The following SUCLA2 variants were observed in gnomAD, a reference collection of about 807,000 sequenced individuals.
SUCLA2 encodes the protein succinate-CoA ligase ADP-forming subunit beta.
SUCLA2 carries 30 observed loss-of-function variants against 54.8 expected under a neutral mutation model. The ratio of observed to expected loss-of-function variants is 0.55; its 90% CI spans 0.41 to 0.74. The LOEUF (loss-of-function observed/expected upper bound fraction) is 0.74, where lower values mean the gene tolerates loss of function less well. Among genes scored for constraint, SUCLA2 ranks in the 30% least tolerant of loss-of-function variants. The pLI is 0.00. For missense variants in SUCLA2, 476 were observed against 562.9 expected (o/e 0.85, Z 1.56); for synonymous variants, 172 against 188.9 (o/e 0.91, Z 0.74).
rs145994704 is a variant in SUCLA2, at chr13:47,972,287, G to A, written c.663+977C>T. ...ATAAATAAAATAACAATGAAGAACCGTATTTGGATGCTGACTCAAACAAAT... is the reference window on the plus strand; with the variant it reads ...ATAAATAAAATAACAATGAAGAACCATATTTGGATGCTGACTCAAACAAAT... On this transcript the variant is annotated intron_variant, in intron 5 of 10. Transcript: ENST00000646932. 3.8e-3 allele frequency among the ~76,000 whole-genome samples: 571 copies of A among 152,046 alleles called. 1 individual carries two copies. The highest frequency in any genetic ancestry group is 6.4e-3 in the Non-Finnish European group (438 of 67,956).
intron 1 of SUCLA2, among the ~76,000 whole-genome samples, chr13:48,000,512 A>G (rs907761785): frequency 1.3e-5 from 2 of 152,248 alleles, no homozygotes; most frequent in South Asian, 2.1e-4. Flanking sequence ...CGCTTAGCAC[A>G]TTACCTGGCA....
chr13:47,955,438 G>C (rs1029883372), intron 6 of SUCLA2, among the ~76,000 whole-genome samples: 1 of 152,108 alleles, frequency 6.6e-6, no homozygotes, highest in East Asian at 1.9e-4. Flanking sequence ...CTGACCTCAA[G>C]TAATCCACCC....
intron 6 of SUCLA2, among the ~76,000 whole-genome samples, chr13:47,964,257 A>C (rs940932386): frequency 1.3e-5 from 2 of 152,232 alleles, no homozygotes; most frequent in East Asian, 3.9e-4. Flanking sequence ...AAAATAAAAA[A>C]AAAACTATAG....
intron 10 of SUCLA2, among the ~76,000 whole-genome samples, chr13:47,948,296 CTTT>C (rs1317064747): frequency 6.6e-6 from 1 of 152,114 alleles, no homozygotes; most frequent in South Asian, 2.1e-4. Context: ...ACCAAACTCT[CTTT>C]TGTTTTTTCA....
At chr13:47,943,766 G>GTGTATATATATATATATA (rs1300486540) in intron 10 of SUCLA2, among the ~76,000 whole-genome samples, 1,858 of 139,508 alleles carry the variant, frequency 0.013, 59 homozygotes, top group Admixed American at 0.068. Context: ...GTGTGTGTGT[G>GTGTATATATATATATATA]TATATATATA....
chr13:47,969,672 T>A (rs7335662), intron 5 of SUCLA2, among the ~76,000 whole-genome samples: 15,850 of 152,308 alleles, frequency 0.1, 914 homozygotes, highest in South Asian at 0.18. Flanking sequence ...TAGAGAATTC[T>A]TTCCTCTTTT....
At chr13:47,948,816 T>C in intron 10 of SUCLA2, 124 bp downstream of exon 10, 1 of 940,208 alleles carries the variant, frequency 1.1e-6, no homozygotes, top group Non-Finnish European at 1.7e-6. Context: ...ATAATCGTTT[T>C]CTTTAACCAT....
chr13:47,967,121 CTT>C (rs923746672), intron 6 of SUCLA2, among the ~76,000 whole-genome samples: 1 of 152,082 alleles, frequency 6.6e-6, no homozygotes, highest in African/African-American at 2.4e-5. Flanking sequence ...TCTGCTGAAA[CTT>C]TTTAATTTGT....
At chr13:47,986,650 G>C (rs1162800815) in intron 4 of SUCLA2, among the ~76,000 whole-genome samples, 1 of 152,102 alleles carries the variant, frequency 6.6e-6, no homozygotes, top group African/African-American at 2.4e-5. Context: ...GTATTACCTA[G>C]ATTTCCTTCT....
chr13:47,948,340 C>A (rs888331939), intron 10 of SUCLA2, among the ~76,000 whole-genome samples: 3 of 151,948 alleles, frequency 2.0e-5, no homozygotes, highest in African/African-American at 7.3e-5. Context: ...TAGATAGATA[C>A]ACACACATAC....
chr13:47,994,427 G>C (rs1235698461), intron 2 of SUCLA2, among the ~76,000 whole-genome samples: 1 of 152,114 alleles, frequency 6.6e-6, no homozygotes, highest in African/African-American at 2.4e-5. Context: ...AATTAGCTGG[G>C]CATGGTGGCG....
intron 6 of SUCLA2, among the ~76,000 whole-genome samples, chr13:47,957,187 T>C (rs142121645): frequency 1.7e-4 from 26 of 152,298 alleles, no homozygotes; most frequent in African/African-American, 5.1e-4. Context: ...TGTTACATTT[T>C]TTTCCTTGCT....
At chr13:47,986,804 C>T (rs1212114647) in intron 4 of SUCLA2, among the ~76,000 whole-genome samples, 4 of 152,192 alleles carry the variant, frequency 2.6e-5, no homozygotes, top group Non-Finnish European at 5.9e-5. Context: ...AATAGGAAAT[C>T]CTTTCCCCAT....
At chr13:47,969,939 C>T (rs7334801) in intron 5 of SUCLA2, among the ~76,000 whole-genome samples, 142,211 of 151,994 alleles carry the variant, frequency 0.94, 66,557 homozygotes, top group East Asian at 1. Context: ...CTGTCTCTAT[C>T]AAAAATACAA....
At chr13:47,959,941 G>A (rs1160420181) in intron 6 of SUCLA2, among the ~76,000 whole-genome samples, 1 of 152,100 alleles carries the variant, frequency 6.6e-6, no homozygotes, top group African/African-American at 2.4e-5. Context: ...GTTTTGCATG[G>A]ATACTGCTGG....
intron 3 of SUCLA2, 64 bp from the exon 4 acceptor site, chr13:47,988,767 A>G (rs1950126194): frequency 1.9e-5 from 31 of 1,603,562 alleles, no homozygotes; most frequent in Non-Finnish European, 2.6e-5. Flanking sequence ...AATCCACATA[A>G]TAGCCAAAAT....
chr13:47,988,401 T>C (rs1363360446), intron 4 of SUCLA2, 140 bp downstream of exon 4: 1 of 943,488 alleles, frequency 1.1e-6, no homozygotes, highest in Non-Finnish European at 1.6e-6. Context: ...TTAAATGACA[T>C]AAATATCATG....
Position 47,949,744 on chromosome 13 carries a change from GCT to G in SUCLA2, c.1108-143_1108-142del. ...GACCAAACCACAATACCCTCTTCTA[GCT>G]CTCTTTATTGAAGTCTATGTAGTCC... On this transcript the variant is annotated intron_variant, in intron 8 of 10. Transcript: ENST00000646932. 3 of 832,486 alleles carry G rather than the reference GCT, an allele frequency of 3.6e-6. No individual in the cohort carries two copies. In the South Asian group the frequency reaches 4.7e-5, roughly 13 times the overall value. The allele number at this position is 832,486 out of a possible 1,614,324, so 51.6% of individuals were successfully genotyped here.
intron 2 of SUCLA2, among the ~76,000 whole-genome samples, chr13:47,992,651 T>C (rs1301365879): frequency 6.6e-6 from 1 of 152,224 alleles, no homozygotes; most frequent in African/African-American, 2.4e-5. Flanking sequence ...CAAGATCTTT[T>C]TTGGATCCCA....
Sources: gnomAD v4.1 joint callset for allele counts (sites outside exome capture counted in the v4.1 genomes callset) on GRCh38, gnomAD v4.1.1 for gene constraint, MANE v1.5 for transcripts, NCBI Gene and HGNC (gene_info 2026-07-23, HGNC 2026-07-21) for gene names.